Variants in ZNF185 observed in about 807,000 individuals in gnomAD.
ZNF185 encodes the protein zinc finger protein 185.
Under a neutral mutation model 58.6 loss-of-function variants are expected in ZNF185, and 56 were observed. That is an observed-to-expected ratio of 0.95 (90% CI 0.77 to 1.19). The LOEUF is 1.19. Among genes scored for constraint, ZNF185 ranks in the 50% most tolerant of loss-of-function variants. ZNF185 has a pLI of 0.00. For missense variants in ZNF185, 627 were observed against 573.5 expected (o/e 1.09, Z -0.95); for synonymous variants, 230 against 215.9 (o/e 1.07, Z -0.57).
At chrX:152,945,363 A>C in exon 16 of ZNF185, 1 of 1,207,426 alleles carries the variant, frequency 8.3e-7, no homozygotes, top group Non-Finnish European at 1.1e-6. Flanking sequence ...AAGGAGACCC[A>C]GCTGTACCCG....
At chrX:152,930,956 C>A (rs1055316243) in intron 12 of ZNF185, among the ~76,000 whole-genome samples, 1 of 111,755 alleles carries the variant, frequency 8.9e-6, no homozygotes, top group African/African-American at 3.3e-5. Context: ...ACTCAAATCC[C>A]AGCTACTCCT....
At chrX:152,959,917 G>T (rs782815668) in intron 17 of ZNF185, 21 bp downstream of exon 19, 3 of 1,193,622 alleles carry the variant, frequency 2.5e-6, no homozygotes, top group South Asian at 3.7e-5. Flanking sequence ...AACTGCACTG[G>T]GACCTTACCT....
chrX:152,933,944 G>A (rs1187359601), intron 14 of ZNF185, among the ~76,000 whole-genome samples: 5 of 112,253 alleles, frequency 4.5e-5, no homozygotes, highest in Non-Finnish European at 7.5e-5. Context: ...AACACAGGAA[G>A]GGGACAGCAG....
At position 152,933,088 on chromosome X, in the gene ZNF185, C is replaced by G. The variant is rs1273002423; in HGVS notation, c.1121+117C>G. The G allele has an allele frequency of 1.6e-5, 7 of 442,374 alleles. No individual in the cohort carries two copies. In the Middle Eastern group the frequency reaches 1.8e-3, roughly 116 times the overall value. The allele number at this position is 442,374 out of a possible 1,213,427, so 36.5% of individuals were successfully genotyped here. A position where few individuals can be genotyped will look rare whatever the true frequency, so the allele number is the denominator to read the frequency against. Reference sequence around the variant, plus strand: ...ACTGGTCACTTCCTATGGCTCCTGTCTACTGCTTCTCCCACACTCCCACAT... The same window carrying G: ...ACTGGTCACTTCCTATGGCTCCTGTGTACTGCTTCTCCCACACTCCCACAT... On this transcript the variant is annotated intron_variant, in intron 14 of 22. Coordinates refer to ENST00000449285, the Ensembl canonical transcript of ZNF185.
At chrX:152,931,625 G>A (rs781858367) in intron 12 of ZNF185, 47 bp from the exon 14 acceptor site, 15 of 1,103,200 alleles carry the variant, frequency 1.4e-5, no homozygotes, top group Non-Finnish European at 1.2e-6. Flanking sequence ...CCACACCTGA[G>A]TGTGAATGGC....
At chrX:152,965,425 T>G in intron 18 of ZNF185, 22 bp from the exon 21 acceptor site, 3 of 1,162,347 alleles carry the variant, frequency 2.6e-6, no homozygotes, top group Middle Eastern at 2.3e-4. Flanking sequence ...TACCTCTGAT[T>G]TCTTCTGTGC....
chrX:152,961,097 G>T (rs1556909950), intron 17 of ZNF185, among the ~76,000 whole-genome samples: 1 of 112,050 alleles, frequency 8.9e-6, no homozygotes. Flanking sequence ...TTGACCCATT[G>T]CCTTGCTGTG....
At chrX:152,957,773 G>T (rs1308671784) in intron 16 of ZNF185, among the ~76,000 whole-genome samples, 1 of 112,734 alleles carries the variant, frequency 8.9e-6, no homozygotes, top group African/African-American at 3.2e-5. Context: ...ACAGAAAAAC[G>T]ACTTTATAGC....
At chrX:152,965,648 G>A (rs782718476) in intron 19 of ZNF185, 121 bp downstream of exon 21, 35 of 552,276 alleles carry the variant, frequency 6.3e-5, no homozygotes, top group African/African-American at 4.8e-4. Flanking sequence ...GGTAATTGTC[G>A]AGTGGATGAG....
chrX:152,919,427 CT>C (rs1432524613), intron 7 of ZNF185, among the ~76,000 whole-genome samples: 2 of 111,560 alleles, frequency 1.8e-5, no homozygotes, highest in Non-Finnish European at 3.8e-5. Flanking sequence ...GAGAAGCCAC[CT>C]GCACAGTGCC....
At position 152,924,004 on chromosome X, in the gene ZNF185, T is replaced by C. The variant is rs148578313; in HGVS notation, c.830+1195T>C. Among the ~76,000 whole-genome samples the C allele has an allele frequency of 1.5e-3, 163 of 111,850 alleles. 2 individuals are homozygous for C. The highest frequency in any genetic ancestry group is 9.3e-3 in the Middle Eastern group (2 of 215). ...ACTTCTGGAGGCTAGAAGTGTGAGA[T>C]CAAGGTGACGGCAAGGTTGGTTCCT... is the stretch of plus-strand genomic sequence containing the variant. On this transcript the variant is annotated intron_variant, in intron 11 of 22. Transcript: ENST00000449285.
At chrX:152,967,262 A>G (rs782103719) in intron 20 of ZNF185, 24 bp downstream of exon 22, 10 of 1,185,264 alleles carry the variant, frequency 8.4e-6, no homozygotes, top group Non-Finnish European at 1.1e-5. Context: ...CTTAGCACGG[A>G]GCTTGCACTT....
At chrX:152,943,869 C>T (rs1900355437) in intron 15 of ZNF185, among the ~76,000 whole-genome samples, 1 of 112,970 alleles carries the variant, frequency 8.9e-6, no homozygotes, top group Admixed American at 9.3e-5. Flanking sequence ...CTCTTCAGGC[C>T]TTGTATGTTT....
intron 11 of ZNF185, 92 bp from the exon 13 acceptor site, chrX:152,928,483 A>T: frequency 1.1e-6 from 1 of 894,853 alleles, no homozygotes; most frequent in Non-Finnish European, 1.6e-6. Context: ...AAAAGGGGGC[A>T]GTGGGTCTGG....
At chrX:152,962,633 A>G (rs1219271981) in intron 17 of ZNF185, among the ~76,000 whole-genome samples, 2 of 111,821 alleles carry the variant, frequency 1.8e-5, no homozygotes, top group African/African-American at 6.5e-5. Flanking sequence ...TCTCTATGGT[A>G]TATTTCTTTG....
At chrX:152,967,314 T>C in intron 20 of ZNF185, 76 bp downstream of exon 22, 2 of 1,019,278 alleles carry the variant, frequency 2.0e-6, no homozygotes, top group Non-Finnish European at 2.7e-6. Flanking sequence ...CTGCTGAGTC[T>C]GTTTGCTTTT....
chrX:152,905,701 G>C, the ZNF185 span, among the ~76,000 whole-genome samples: 23 of 100,362 alleles, frequency 2.3e-4, no homozygotes, highest in African/African-American at 8.8e-4. Context: ...AAATGAAGCT[G>C]TCAGACAGGC....
chrX:152,965,545 A>AC lies in ZNF185; in HGVS notation c.1799+21dup. 8.7e-7 allele frequency: 1 copy of AC among 1,151,952 alleles called. No homozygotes were observed. Among genetic ancestry groups the AC allele is most frequent in the Non-Finnish European group, 1.2e-6 (1 of 856,591 alleles). The allele number at this position is 1,151,952 out of a possible 1,213,427, so 94.9% of individuals were successfully genotyped here. On this transcript the variant is annotated intron_variant, in intron 19 of 22. Coordinates refer to ENST00000449285, the Ensembl canonical transcript of ZNF185. ...TATAGCAAGTAAGAGCGGGTCCCAA[A>AC]CCCTTCCATGTCGGCCTTCTCCTGC...
intron 22 of ZNF185, 40 bp downstream of exon 24, chrX:152,970,581 TCATTAAGGAGTAGAGATG>T (rs782030104): frequency 1.1e-5 from 13 of 1,138,844 alleles, no homozygotes; most frequent in Non-Finnish European, 1.4e-5. Context: ...GCCAAGAGAC[TCATTAAGGAGTAGAGATG>T]CACCCTGGTC....
Sources: allele counts gnomAD v4.1 joint callset (sites outside exome capture counted in the v4.1 genomes callset), GRCh38; gene constraint gnomAD v4.1.1; transcripts MANE v1.5; gene names NCBI Gene and HGNC (gene_info 2026-07-23, HGNC 2026-07-21).